The following NKAIN3 variants were observed in gnomAD, a reference collection of about 807,000 sequenced individuals.
The protein encoded by NKAIN3 is sodium/potassium transporting ATPase interacting 3.
In NKAIN3, 25 loss-of-function variants were observed where a neutral mutation model predicts 30.2. That is an observed-to-expected ratio of 0.83 (90% CI 0.60 to 1.16). The LOEUF is 1.16. NKAIN3 is among the 50% of genes most tolerant of loss of function. The probability of loss-of-function intolerance (pLI) is 0.00; values close to 1 mark genes in which losing one functional copy is unlikely to be tolerated. For synonymous variants in NKAIN3, 91 were observed against 89.6 expected (o/e 1.02, Z -0.09); for missense variants, 225 against 254.1 (o/e 0.89, Z 0.78).
intron 1 of NKAIN3, among the ~76,000 whole-genome samples, chr8:62,477,143 C>T (rs1012073033): frequency 2.6e-5 from 4 of 152,066 alleles, no homozygotes; most frequent in Non-Finnish European, 4.4e-5. Context: ...GAAATGTTAG[C>T]GTATCAATCA....
rs116549211 is a variant in NKAIN3, at chr8:62,705,161, C to T, written c.274-41771C>T. Among the ~76,000 whole-genome samples, 427 of 152,190 alleles carry T rather than the reference C, an allele frequency of 2.8e-3. 3 individuals are homozygous for T. The highest frequency in any genetic ancestry group is 9.8e-3 in the African/African-American group (406 of 41,518). On this transcript the variant is annotated intron_variant, in intron 3 of 6. Coordinates refer to ENST00000623646, the MANE Select transcript of NKAIN3 (RefSeq NM_001304533.3). ...ATAAAAGTTGATAGTACTGAAGGTA[C>T]GTCATATTTGATATGGATATGAATG... is the stretch of plus-strand genomic sequence containing the variant.
intron 1 of NKAIN3, among the ~76,000 whole-genome samples, chr8:62,389,013 C>T (rs950502445): frequency 2.6e-5 from 4 of 152,106 alleles, no homozygotes; most frequent in Non-Finnish European, 2.9e-5. Context: ...GGGAGCAGCC[C>T]GTATTGAGCT....
chr8:62,497,593 A>G (rs1231223128), intron 1 of NKAIN3, among the ~76,000 whole-genome samples: 1 of 152,096 alleles, frequency 6.6e-6, no homozygotes, highest in Non-Finnish European at 1.5e-5. Context: ...TTTTCAATGG[A>G]GACACACCAG....
chr8:62,438,385 A>T (rs2129598049), intron 1 of NKAIN3, among the ~76,000 whole-genome samples: 1 of 152,208 alleles, frequency 6.6e-6, no homozygotes, highest in Admixed American at 6.5e-5. Flanking sequence ...AAATAGGGTG[A>T]CATTTGTGTT....
chr8:62,538,479 A>T (rs1401193174), intron 1 of NKAIN3, among the ~76,000 whole-genome samples: 2 of 152,134 alleles, frequency 1.3e-5, no homozygotes, highest in Non-Finnish European at 2.9e-5. Flanking sequence ...GCAGCCATAA[A>T]GTAGCTTTAT....
intron 4 of NKAIN3, among the ~76,000 whole-genome samples, chr8:62,801,291 T>A (rs1818054598): frequency 6.6e-6 from 1 of 152,176 alleles, no homozygotes; most frequent in Non-Finnish European, 1.5e-5. Context: ...CAGCTGGAGA[T>A]CTGAGAACGG....
rs1267029802 is a variant in NKAIN3 at position 62,979,736 on chromosome 8, T to C, written c.*14329T>C. ...GCTGCTATGCAAGCTCTCAGTCTAGTCTTCTTTCCTCTGCACTTGGTGGCC... is the reference window on the plus strand; with the variant it reads ...GCTGCTATGCAAGCTCTCAGTCTAGCCTTCTTTCCTCTGCACTTGGTGGCC... On this transcript the variant is annotated 3_prime_UTR_variant, in exon 7 of 7. Transcript: ENST00000623646. 6.6e-6 allele frequency: 1 copy of C among 152,238 alleles called. No homozygotes were observed. Among genetic ancestry groups the C allele is most frequent in the East Asian group, 1.9e-4 (1 of 5,196 alleles). 9.4% of individuals were successfully genotyped at this position (152,238 alleles called of 1,614,324 possible).
intron 1 of NKAIN3, among the ~76,000 whole-genome samples, chr8:62,433,597 C>G (rs1805081957): frequency 6.6e-6 from 1 of 152,090 alleles, no homozygotes; most frequent in South Asian, 2.1e-4. Flanking sequence ...TACACTTTAT[C>G]AGACGGTGGG....
At chr8:62,897,539 T>A (rs189199339) in intron 4 of NKAIN3, among the ~76,000 whole-genome samples, 94 of 152,268 alleles carry the variant, frequency 6.2e-4, no homozygotes, top group African/African-American at 2.1e-3. Context: ...TAACCTCACT[T>A]CACTTTTGGA....
intron 4 of NKAIN3, among the ~76,000 whole-genome samples, chr8:62,813,683 G>A (rs1270940766): frequency 6.6e-6 from 1 of 151,692 alleles, no homozygotes; most frequent in South Asian, 2.1e-4. Context: ...TTTGTGATTT[G>A]GTGCTTTTCA....
At chr8:62,620,499 C>A (rs1295011998) in intron 3 of NKAIN3, among the ~76,000 whole-genome samples, 1 of 152,044 alleles carries the variant, frequency 6.6e-6, no homozygotes, top group African/African-American at 2.4e-5. Flanking sequence ...ATTTCCTCAA[C>A]CAACAATTTA....
chr8:62,961,587 C>T (rs1250947159), intron 6 of NKAIN3, among the ~76,000 whole-genome samples: 8 of 152,060 alleles, frequency 5.3e-5, no homozygotes, highest in Admixed American at 5.2e-4. Context: ...GGTTTTAAAA[C>T]TTTTTTTAAA....
intron 1 of NKAIN3, among the ~76,000 whole-genome samples, chr8:62,318,823 G>T (rs1389625022): frequency 1.3e-5 from 2 of 152,116 alleles, no homozygotes; most frequent in African/African-American, 4.8e-5. Flanking sequence ...GCCAGGCTTT[G>T]GTATCAGGAT....
chr8:62,372,437 C>T (rs1284803835), intron 1 of NKAIN3, among the ~76,000 whole-genome samples: 11 of 151,716 alleles, frequency 7.3e-5, no homozygotes, highest in Admixed American at 7.2e-4. Flanking sequence ...TTTCATGTTT[C>T]TGAAAAAATA....
intron 4 of NKAIN3, among the ~76,000 whole-genome samples, chr8:62,853,487 T>C (rs1586270746): frequency 6.6e-6 from 1 of 152,210 alleles, no homozygotes; most frequent in Non-Finnish European, 1.5e-5. Context: ...TTCTAACTTA[T>C]GTGTACAAAG....
At chr8:62,392,636 G>A (rs1585755197) in intron 1 of NKAIN3, among the ~76,000 whole-genome samples, 1 of 151,784 alleles carries the variant, frequency 6.6e-6, no homozygotes. Flanking sequence ...AAATTAATAG[G>A]TCATTCCAGA....
At chr8:62,303,353 C>T (rs1814118915) in intron 1 of NKAIN3, among the ~76,000 whole-genome samples, 1 of 150,460 alleles carries the variant, frequency 6.6e-6, no homozygotes, top group Admixed American at 6.6e-5. Context: ...TTCTAGTCCA[C>T]TCATTTCCTA....
At chr8:62,964,459 C>T (rs1031618709) in intron 6 of NKAIN3, among the ~76,000 whole-genome samples, 1 of 151,430 alleles carries the variant, frequency 6.6e-6, no homozygotes, top group African/African-American at 2.4e-5. Flanking sequence ...GTGGAGAAAA[C>T]AGTGATTGGA....
At chr8:62,648,314 G>A (rs1310474576) in intron 3 of NKAIN3, among the ~76,000 whole-genome samples, 3 of 152,090 alleles carry the variant, frequency 2.0e-5, no homozygotes, top group African/African-American at 7.2e-5. Flanking sequence ...TATTGAGTGG[G>A]TGTTGTCTCT....
Sources: gnomAD v4.1 joint callset for allele counts (sites outside exome capture counted in the v4.1 genomes callset) on GRCh38, gnomAD v4.1.1 for gene constraint, MANE v1.5 for transcripts, NCBI Gene and HGNC (gene_info 2026-07-23, HGNC 2026-07-21) for gene names.